AZI2: variants seen among roughly 807,000 people sequenced by gnomAD.
The protein encoded by AZI2 is 5-azacytidine-induced protein 2.
Under a neutral mutation model 45.8 loss-of-function variants are expected in AZI2, and 22 were observed. That is an observed-to-expected ratio of 0.48 (90% CI 0.34 to 0.69). AZI2 has a LOEUF of 0.69. AZI2 is among the 30% of genes least tolerant of loss of function. AZI2 has a pLI of 0.01. For synonymous variants in AZI2, 137 were observed against 156.7 expected (o/e 0.87, Z 0.94); for missense variants, 417 against 441.5 (o/e 0.94, Z 0.50).
intron 6 of AZI2, among the ~76,000 whole-genome samples, chr3:28,328,536 T>A (rs755051811): frequency 6.6e-6 from 1 of 151,136 alleles, no homozygotes; most frequent in Non-Finnish European, 1.5e-5. Context: ...AATACACAGC[T>A]AGGCATGGAA....
At chr3:28,343,373 T>C (rs1704101904) in intron 1 of AZI2, among the ~76,000 whole-genome samples, 1 of 151,860 alleles carries the variant, frequency 6.6e-6, no homozygotes, top group African/African-American at 2.4e-5. Context: ...GGGAGAAAGG[T>C]TGAGAAGAGG....
At position 28,346,525 on chromosome 3, in the gene AZI2, G is replaced by A. The variant is rs145864426; in HGVS notation, c.-6+2076C>T. ...GGGAAATTGAGGCTCAAAGAGGTGAGGTAAATTCACCTCACCACAGCAGTA... is the reference window on the plus strand; with the variant it reads ...GGGAAATTGAGGCTCAAAGAGGTGAAGTAAATTCACCTCACCACAGCAGTA... On this transcript the variant is annotated intron_variant, in intron 1 of 7. Transcript: ENST00000479665. Among the ~76,000 whole-genome samples, 204 of 152,130 alleles carry A rather than the reference G, an allele frequency of 1.3e-3. 4 individuals are homozygous for A. The East Asian group carries it at 0.035, about 26-fold the overall frequency.
intron 5 of AZI2, among the ~76,000 whole-genome samples, chr3:28,334,627 C>A (rs1703717146): frequency 6.6e-6 from 1 of 151,886 alleles, no homozygotes; most frequent in Non-Finnish European, 1.5e-5. Context: ...TTAACTTAGT[C>A]ATCAGTTAAA....
rs550512170 is a variant in AZI2 at position 28,330,719 on chromosome 3, T to C, written c.647+1650A>G. ...AACCTAATCAGTTTTGCAGTTCACA[T>C]TGTCTACCTGATACAAATGCAAACC... is the stretch of plus-strand genomic sequence containing the variant. On this transcript the variant is annotated intron_variant, in intron 6 of 7. Transcript: ENST00000479665. Among the ~76,000 whole-genome samples the C allele has an allele frequency of 1.1e-4, 16 of 151,402 alleles. No homozygotes were observed. The South Asian group carries it at 1.2e-3, about 12-fold the overall frequency.
chr3:28,346,440 A>G (rs1440168655), intron 1 of AZI2, among the ~76,000 whole-genome samples: 1 of 152,080 alleles, frequency 6.6e-6, no homozygotes, highest in African/African-American at 2.4e-5. Context: ...GGTATGGTAC[A>G]CACATTATCT....
rs569097183 is a variant in AZI2 at position 28,321,241 on chromosome 3, G to A, written c.*2801C>T. 2.1e-4 allele frequency: 32 copies of A among 151,460 alleles called. No homozygotes were observed. The highest frequency in any genetic ancestry group is 6.8e-4 in the African/African-American group (28 of 41,452). The allele number at this position is 151,460 out of a possible 1,614,324, so 9.4% of individuals were successfully genotyped here. A position where few individuals can be genotyped will look rare whatever the true frequency, so the allele number is the denominator to read the frequency against. ...ATTTCCACATTGACCTTTGGTATTG[G>A]TGCATTTCCTAGAGCACAGGAAGTT... On this transcript the variant is annotated 3_prime_UTR_variant, in exon 8 of 8. Transcript: ENST00000479665.
chr3:28,323,630 G>T lies in AZI2; in HGVS notation c.*412C>A, dbSNP rs1703263686. On this transcript the variant is annotated 3_prime_UTR_variant, in exon 8 of 8. Transcript: ENST00000479665. ...ATGTAACCTACTCACATTGCCATTT[G>T]TTCCATTATGCAATTTGAAGAAACA... 5 of 154,500 alleles carry T rather than the reference G, an allele frequency of 3.2e-5. No homozygotes were observed. In the Admixed American group the frequency reaches 3.2e-4, roughly 10 times the overall value. The allele number at this position is 154,500 out of a possible 1,614,324, so 9.6% of individuals were successfully genotyped here.
chr3:28,343,084 A>C (rs1255610250), intron 1 of AZI2, among the ~76,000 whole-genome samples: 1 of 152,050 alleles, frequency 6.6e-6, no homozygotes, highest in Admixed American at 6.6e-5. Flanking sequence ...AATCATTTAC[A>C]CAGCAAGGAA....
chr3:28,325,308 G>C (rs1298275681), intron 7 of AZI2, among the ~76,000 whole-genome samples: 4 of 151,056 alleles, frequency 2.6e-5, no homozygotes, highest in Non-Finnish European at 5.9e-5. Flanking sequence ...CAAGAAGGAT[G>C]GCCAAGTGTA....
chr3:28,321,063 CCACT>C lies in AZI2; in HGVS notation c.*2975_*2978del, dbSNP rs1297251991. 2 of 151,250 alleles carry C rather than the reference CCACT, an allele frequency of 1.3e-5. No individual in the cohort carries two copies. The highest frequency in any genetic ancestry group is 4.8e-5 in the African/African-American group (2 of 41,302). 9.4% of individuals were successfully genotyped at this position (151,250 alleles called of 1,614,324 possible). A position where few individuals can be genotyped will look rare whatever the true frequency, so the allele number is the denominator to read the frequency against. Reference sequence around the variant, plus strand: ...GTTCCACACTTTACTCTTGAGTGAACCACTCAAAAAACTATTTTACTTTTATTTG... The same window carrying C: ...GTTCCACACTTTACTCTTGAGTGAACCAAAAAACTATTTTACTTTTATTTG... On this transcript the variant is annotated 3_prime_UTR_variant, in exon 8 of 8. Coordinates refer to ENST00000479665, the MANE Select transcript of AZI2 (RefSeq NM_022461.5).
intron 7 of AZI2, chr3:28,324,765 A>C: frequency 4.5e-6 from 1 of 222,432 alleles, no homozygotes; most frequent in Non-Finnish European, 8.8e-6. Context: ...GAAGAACTAC[A>C]TATTTTTAAA....
chr3:28,339,143 A>C (rs1156432846), intron 2 of AZI2, among the ~76,000 whole-genome samples: 2 of 151,924 alleles, frequency 1.3e-5, no homozygotes, highest in Non-Finnish European at 1.5e-5. Context: ...ACGCCCTGCT[A>C]ATTTTTGTAT....
intron 6 of AZI2, among the ~76,000 whole-genome samples, chr3:28,328,234 C>T (rs566109626): frequency 6.6e-6 from 1 of 151,018 alleles, no homozygotes; most frequent in Admixed American, 6.6e-5. Context: ...TCTACTTCAC[C>T]AAAAAACATC....
chr3:28,340,426 C>G lies in AZI2; in HGVS notation c.192G>C (p.Lys64Asn), dbSNP rs1272347921. ...DSEKENSLLK[K>N]RIRFLEEKLI... ...CCTTTTCTTCCAAAAATCTTATTCTCTTCTTTAACAAAGAGTTCTCTTTCT... is the reference window on the plus strand; with the variant it reads ...CCTTTTCTTCCAAAAATCTTATTCTGTTCTTTAACAAAGAGTTCTCTTTCT... The change falls in exon 2 of 8, where the codon AAG (lysine) becomes AAC (asparagine). Residue 64 changes from lysine (K) to asparagine (N), a missense_variant. Coordinates refer to ENST00000479665, the MANE Select transcript of AZI2 (RefSeq NM_022461.5). 1 of 1,603,682 alleles carries G rather than the reference C, an allele frequency of 6.2e-7. No individual in the cohort carries two copies. The highest frequency in any genetic ancestry group is 1.3e-5 in the African/African-American group (1 of 74,592).
chr3:28,331,589 C>G, intron 6 of AZI2: 6 of 1,035,310 alleles, frequency 5.8e-6, no homozygotes, highest in Non-Finnish European at 7.1e-6. Flanking sequence ...CCTAATTGAT[C>G]ATTTCTCTAA....
In AZI2 at chr3:28,323,215, TACAC is replaced by T. The variant is rs878973996; in HGVS notation, c.*823_*826del. The T allele has an allele frequency of 1.3e-5, 2 of 151,234 alleles. No homozygotes were observed. The highest frequency in any genetic ancestry group is 6.6e-5 in the Admixed American group (1 of 15,124). The allele number at this position is 151,234 out of a possible 1,614,324, so 9.4% of individuals were successfully genotyped here. ...TTTGAAGAAAATGACTTTTTATCATTACACACATTTATGTTTATATTATGGCCCA... is the reference window on the plus strand; with the variant it reads ...TTTGAAGAAAATGACTTTTTATCATTACATTTATGTTTATATTATGGCCCA... On this transcript the variant is annotated 3_prime_UTR_variant, in exon 8 of 8. Coordinates refer to ENST00000479665, the MANE Select transcript of AZI2 (RefSeq NM_022461.5).
At chr3:28,343,469 T>C (rs1704107672) in intron 1 of AZI2, among the ~76,000 whole-genome samples, 1 of 151,874 alleles carries the variant, frequency 6.6e-6, no homozygotes, top group African/African-American at 2.4e-5. Context: ...TTTTGGTGCT[T>C]ATTCTGCTGA....
At chr3:28,325,479 G>A (rs571939006) in intron 7 of AZI2, among the ~76,000 whole-genome samples, 2 of 151,122 alleles carry the variant, frequency 1.3e-5, no homozygotes, top group South Asian at 4.2e-4. Flanking sequence ...GAGAAAGGTG[G>A]TTCTAGTCTC....
intron 3 of AZI2, 134 bp from the exon 4 acceptor site, chr3:28,338,170 C>T: frequency 2.0e-6 from 1 of 506,974 alleles, no homozygotes; most frequent in East Asian, 3.3e-5. Flanking sequence ...CTCAGTTTCT[C>T]AGAAATGTCT....
Sources: gnomAD v4.1 joint callset for allele counts (sites outside exome capture counted in the v4.1 genomes callset) on GRCh38, gnomAD v4.1.1 for gene constraint, MANE v1.5 for transcripts, NCBI Gene and HGNC (gene_info 2026-07-23, HGNC 2026-07-21) for gene names.